The following PABPC4L variants were observed in gnomAD, a reference collection of about 807,000 sequenced individuals.
PABPC4L encodes the protein poly(A) binding protein cytoplasmic 4 like, also known as polyadenylate-binding protein 4-like.
For synonymous variants in PABPC4L, 169 were observed against 164.1 expected, an observed-to-expected ratio of 1.03 and a Z score of -0.23; for missense variants, 452 against 451.4, an observed-to-expected ratio of 1.00 and a Z score of -0.01.
chr4:134,124,199 A>G, the PABPC4L span, among the ~76,000 whole-genome samples: 4 of 152,086 alleles, frequency 2.6e-5, no homozygotes, highest in East Asian at 1.9e-4. Context: ...ATACCCAACT[A>G]AAACAGAGTC....
At chr4:134,128,374 A>T in the PABPC4L span, among the ~76,000 whole-genome samples, 18 of 152,210 alleles carry the variant, frequency 1.2e-4, no homozygotes, top group African/African-American at 4.3e-4. Context: ...GGTTATCTGA[A>T]GTCAAGACAA....
the PABPC4L span, among the ~76,000 whole-genome samples, chr4:134,120,433 T>A: frequency 6.7e-6 from 1 of 149,500 alleles, no homozygotes; most frequent in Non-Finnish European, 1.5e-5. Flanking sequence ...AATATTCATT[T>A]ATATTTAATA....
the PABPC4L span, among the ~76,000 whole-genome samples, chr4:133,957,805 T>A: frequency 6.6e-6 from 1 of 152,206 alleles, no homozygotes; most frequent in East Asian, 1.9e-4. Context: ...AGCTTGGGGT[T>A]TGCATCTTCT....
the PABPC4L span, among the ~76,000 whole-genome samples, chr4:134,177,541 G>T: frequency 1.3e-5 from 2 of 152,062 alleles, no homozygotes; most frequent in African/African-American, 4.8e-5. Flanking sequence ...AAAACACCCA[G>T]ACAACAGAGT....
chr4:134,079,719 G>C, the PABPC4L span, among the ~76,000 whole-genome samples: 1 of 151,356 alleles, frequency 6.6e-6, no homozygotes, highest in African/African-American at 2.4e-5. Flanking sequence ...GAGAGAAAGA[G>C]AGAGAGATTT....
At chr4:133,998,803 A>G in the PABPC4L span, among the ~76,000 whole-genome samples, 2 of 151,910 alleles carry the variant, frequency 1.3e-5, no homozygotes, top group Non-Finnish European at 1.5e-5. Context: ...TTCCATAAGT[A>G]GGATCTTTCC....
At chr4:134,013,779 GTC>G in the PABPC4L span, among the ~76,000 whole-genome samples, 105 of 151,950 alleles carry the variant, frequency 6.9e-4, 3 homozygotes, top group East Asian at 0.019. Context: ...GTGTCACTAA[GTC>G]TTTCTAATCT....
chr4:134,040,220 A>C, the PABPC4L span, among the ~76,000 whole-genome samples: 8 of 151,954 alleles, frequency 5.3e-5, no homozygotes, highest in African/African-American at 1.9e-4. Context: ...AAAAAAAAAA[A>C]AACTACTTTA....
At chr4:133,999,859 T>C in the PABPC4L span, among the ~76,000 whole-genome samples, 1 of 152,112 alleles carries the variant, frequency 6.6e-6, no homozygotes, top group African/African-American at 2.4e-5. Flanking sequence ...GGGAAAATAC[T>C]TAAATTTTAA....
In PABPC4L at chr4:134,199,989, T is replaced by C. The variant is rs769337575; in HGVS notation, c.1031A>G (p.Asp344Gly). 1.3e-6 allele frequency: 2 copies of C among 1,551,622 alleles called. No homozygotes were observed. Among genetic ancestry groups the C allele is most frequent in the East Asian group, 2.4e-5 (1 of 40,922 alleles). ...FGLICFSSPE[D>G]ATKAMTEMNG... ...CATCTCAGTCATTGCTTTAGTAGCA[T>C]CCTCAGGAGAGGAGAAGCAGATCAA... The change falls in exon 2 of 2, where the codon GAT (aspartate) becomes GGT (glycine). Residue 344 changes from aspartate to glycine, a missense_variant. Transcript: ENST00000421491.
the PABPC4L span, among the ~76,000 whole-genome samples, chr4:134,088,715 C>T: frequency 6.6e-6 from 1 of 152,116 alleles, no homozygotes; most frequent in East Asian, 1.9e-4. Context: ...AACCTGCTGG[C>T]ACCTTGATAT....
At chr4:134,112,104 A>G in the PABPC4L span, among the ~76,000 whole-genome samples, 1 of 152,150 alleles carries the variant, frequency 6.6e-6, no homozygotes, top group East Asian at 1.9e-4. Context: ...TACACATTGC[A>G]ATATAGTCAT....
At chr4:134,026,859 C>T in the PABPC4L span, among the ~76,000 whole-genome samples, 1 of 152,092 alleles carries the variant, frequency 6.6e-6, no homozygotes, top group Non-Finnish European at 1.5e-5. Context: ...CAAAGATTGC[C>T]AGACAAACAT....
chr4:134,177,626 C>A, the PABPC4L span, among the ~76,000 whole-genome samples: 2 of 152,046 alleles, frequency 1.3e-5, no homozygotes, highest in African/African-American at 2.4e-5. Context: ...CGCAGTTCCA[C>A]TTCTATGTGA....
the PABPC4L span, among the ~76,000 whole-genome samples, chr4:134,147,772 T>G: frequency 4.6e-4 from 57 of 123,438 alleles, 1 homozygote; most frequent in Non-Finnish European, 7.5e-4. Flanking sequence ...TGTTGTTGTT[T>G]TTTCCTAGAA....
the PABPC4L span, among the ~76,000 whole-genome samples, chr4:134,071,057 C>T: frequency 6.6e-6 from 1 of 152,178 alleles, no homozygotes; most frequent in Non-Finnish European, 1.5e-5. Context: ...CCTGCCACCT[C>T]TCTAAGCAGT....
the PABPC4L span, among the ~76,000 whole-genome samples, chr4:134,116,593 TA>T: frequency 6.6e-6 from 1 of 151,860 alleles, no homozygotes; most frequent in Non-Finnish European, 1.5e-5. Context: ...TACTTATTTC[TA>T]TCTATGCTCC....
chr4:134,103,426 TGAGG>T, the PABPC4L span, among the ~76,000 whole-genome samples: 1 of 151,640 alleles, frequency 6.6e-6, no homozygotes, highest in Non-Finnish European at 1.5e-5. Context: ...TTCTTTCTTC[TGAGG>T]CCTCTCATCT....
chr4:134,118,686 A>C, the PABPC4L span, among the ~76,000 whole-genome samples: 1 of 151,666 alleles, frequency 6.6e-6, no homozygotes, highest in Non-Finnish European at 1.5e-5. Flanking sequence ...TGTTGGCATT[A>C]GATTTCAGAG....
Sources: gnomAD v4.1 joint callset for allele counts (sites outside exome capture counted in the v4.1 genomes callset) on GRCh38, gnomAD v4.1.1 for gene constraint, MANE v1.5 for transcripts, NCBI Gene and HGNC (gene_info 2026-07-23, HGNC 2026-07-21) for gene names.